The following TNFSF15 variants were observed in gnomAD, a reference collection of about 807,000 sequenced individuals.
The protein encoded by TNFSF15 is tumor necrosis factor ligand superfamily member 15.
In TNFSF15, 15 loss-of-function variants were observed where a neutral mutation model predicts 26.4. The observed-to-expected ratio is 0.57, with a 90% CI of 0.38 to 0.87. The LOEUF (loss-of-function observed/expected upper bound fraction) is 0.87, where lower values mean the gene tolerates loss of function less well. Among genes scored for constraint, TNFSF15 ranks in the 40% least tolerant of loss-of-function variants. The pLI is 0.00. For synonymous variants in TNFSF15, 116 were observed against 115.0 expected, an observed-to-expected ratio of 1.01 and a Z score of -0.06; for missense variants, 290 against 306.1, an observed-to-expected ratio of 0.95 and a Z score of 0.39.
chr9:114,795,428 A>G (rs1829662161), intron 1 of TNFSF15, among the ~76,000 whole-genome samples: 1 of 152,368 alleles, frequency 6.6e-6, no homozygotes, highest in East Asian at 1.9e-4. Flanking sequence ...ATATTTGAAG[A>G]AAATTACAAC....
chr9:114,789,943 C>CT lies in TNFSF15; in HGVS notation c.*508_*509insA, dbSNP rs1156745457. ...TCATGAGACATACCAACTCTCTTTTCATTTTTTTTAGGCAAGGCATGAAAG... is the reference window on the plus strand; with the variant it reads ...TCATGAGACATACCAACTCTCTTTTCTATTTTTTTTAGGCAAGGCATGAAAG... On this transcript the variant is annotated 3_prime_UTR_variant, in exon 4 of 4. Transcript: ENST00000374045. 2 of 153,552 alleles carry CT rather than the reference C, an allele frequency of 1.3e-5. No homozygotes were observed. The highest frequency in any genetic ancestry group is 4.8e-5 in the African/African-American group (2 of 41,448). 9.5% of individuals were successfully genotyped at this position (153,552 alleles called of 1,614,324 possible). A position where few individuals can be genotyped will look rare whatever the true frequency, so the allele number is the denominator to read the frequency against.
rs1829498544 is a variant in TNFSF15, at chr9:114,786,272, G to T, written c.*4180C>A. 1 of 152,222 alleles carries T rather than the reference G, an allele frequency of 6.6e-6. No individual in the cohort carries two copies. The highest frequency in any genetic ancestry group is 1.5e-5 in the Non-Finnish European group (1 of 68,042). 9.4% of individuals were successfully genotyped at this position (152,222 alleles called of 1,614,324 possible). Reference sequence around the variant, plus strand: ...AGCCAGAAATCTTAAGGCAAGAGATGTTTGCATGTGTTTTTAAGGTACAGA... The same window carrying T: ...AGCCAGAAATCTTAAGGCAAGAGATTTTTGCATGTGTTTTTAAGGTACAGA... On this transcript the variant is annotated 3_prime_UTR_variant, in exon 4 of 4. Transcript: ENST00000374045.
rs1376889311 is a variant in TNFSF15 at position 114,786,667 on chromosome 9, C to A, written c.*3785G>T. ...GTGGCTCACGCCTGTAATCCCAGCA[C>A]TTTGGAAGGCTGAGGCGGGCGGATC... On this transcript the variant is annotated 3_prime_UTR_variant, in exon 4 of 4. Coordinates refer to ENST00000374045, the MANE Select transcript of TNFSF15 (RefSeq NM_005118.4). The A allele has an allele frequency of 1.3e-5, 2 of 151,942 alleles. No individual in the cohort carries two copies. The highest frequency in any genetic ancestry group is 2.4e-5 in the African/African-American group (1 of 41,334). The allele number at this position is 151,942 out of a possible 1,614,324, so 9.4% of individuals were successfully genotyped here. A position where few individuals can be genotyped will look rare whatever the true frequency, so the allele number is the denominator to read the frequency against.
chr9:114,790,925 G>A lies in TNFSF15; in HGVS notation c.302-19C>T. ...CTCACAACTGGAAAGACAAGAAAGA[G>A]GATTAATTTTCTCATTGGGAAACTG... On this transcript the variant is annotated intron_variant, in intron 3 of 3. Coordinates refer to ENST00000374045, the MANE Select transcript of TNFSF15 (RefSeq NM_005118.4). 6.2e-7 allele frequency: 1 copy of A among 1,611,306 alleles called. No individual in the cohort carries two copies. The highest frequency in any genetic ancestry group is 1.1e-5 in the South Asian group (1 of 90,842).
At chr9:114,802,389 A>G (rs1476951986) in intron 1 of TNFSF15, among the ~76,000 whole-genome samples, 1 of 152,046 alleles carries the variant, frequency 6.6e-6, no homozygotes, top group Non-Finnish European at 1.5e-5. Flanking sequence ...AGTAGCTGGG[A>G]CTACAGGCGC....
intron 2 of TNFSF15, among the ~76,000 whole-genome samples, chr9:114,792,776 C>A (rs1829623948): frequency 6.6e-6 from 1 of 152,198 alleles, no homozygotes; most frequent in African/African-American, 2.4e-5. Context: ...AGGTGCTTAG[C>A]ATGAATTTTG....
rs1399407742 is a variant in TNFSF15, at chr9:114,793,578, A to G, written c.211-10T>C. ...CCTGTCCTTTTAGAGCCTATTGGGA[A>G]AGAAAGTATAGTTTAGACCAACTGT... On this transcript the variant is annotated splice_polypyrimidine_tract_variant and intron_variant, in intron 1 of 3. Coordinates refer to ENST00000374045, the MANE Select transcript of TNFSF15 (RefSeq NM_005118.4). The G allele has an allele frequency of 6.2e-7, 1 of 1,613,680 alleles. No individual in the cohort carries two copies. The highest frequency in any genetic ancestry group is 8.5e-7 in the Non-Finnish European group (1 of 1,179,630).
intron 1 of TNFSF15, among the ~76,000 whole-genome samples, chr9:114,799,274 A>G (rs941624776): frequency 3.9e-5 from 6 of 152,214 alleles, no homozygotes; most frequent in African/African-American, 1.4e-4. Context: ...ATAAAAGCAG[A>G]CAATAATTCT....
At chr9:114,794,776 CAA>C (rs1190010896) in intron 1 of TNFSF15, among the ~76,000 whole-genome samples, 2 of 152,066 alleles carry the variant, frequency 1.3e-5, no homozygotes, top group African/African-American at 4.8e-5. Context: ...ACCAGACACA[CAA>C]AGACACACTT....
intron 3 of TNFSF15, chr9:114,791,254 A>G (rs1829593294): frequency 2.4e-6 from 1 of 423,080 alleles, no homozygotes; most frequent in Non-Finnish European, 4.4e-6. Context: ...TTGCTGCAAG[A>G]ATTATCCTTT....
rs535241012 is a variant in TNFSF15, at chr9:114,787,947, C to T, written c.*2505G>A. 6.5e-6 allele frequency: 1 copy of T among 153,658 alleles called. No individual in the cohort carries two copies. Among genetic ancestry groups the T allele is most frequent in the Non-Finnish European group, 1.5e-5 (1 of 68,046 alleles). The allele number at this position is 153,658 out of a possible 1,614,324, so 9.5% of individuals were successfully genotyped here. On this transcript the variant is annotated 3_prime_UTR_variant, in exon 4 of 4. Transcript: ENST00000374045. ...ATAAATTTCCAGATCCACCAGATCA[C>T]CTACAGAACAGTGGGCAGGTTTGAG...
chr9:114,789,870 C>G lies in TNFSF15; in HGVS notation c.*582G>C, dbSNP rs1011239291. The stretch of plus-strand genomic sequence containing the variant: ...CATAATCAAAAGAAAGGTAGCTTTT[C>G]TCATATGCTGTAGATGACATGAAAA... On this transcript the variant is annotated 3_prime_UTR_variant, in exon 4 of 4. Transcript: ENST00000374045. The G allele has an allele frequency of 1.3e-5, 2 of 152,440 alleles. No individual in the cohort carries two copies. The highest frequency in any genetic ancestry group is 2.9e-5 in the Non-Finnish European group (2 of 68,166). The allele number at this position is 152,440 out of a possible 1,614,324, so 9.4% of individuals were successfully genotyped here.
intron 1 of TNFSF15, among the ~76,000 whole-genome samples, chr9:114,794,920 G>A (rs1829655599): frequency 6.6e-6 from 1 of 152,116 alleles, no homozygotes; most frequent in African/African-American, 2.4e-5. Flanking sequence ...GTTAGACAAT[G>A]GGTACAAACG....
intron 1 of TNFSF15, among the ~76,000 whole-genome samples, chr9:114,801,780 A>G (rs1829752185): frequency 6.6e-6 from 1 of 152,206 alleles, no homozygotes. Context: ...TTCTGCAGAA[A>G]TCTAAAGGAC....
Position 114,790,521 on chromosome 9 carries a change from G to T in TNFSF15, c.687C>A (p.Asn229Lys), listed in dbSNP as rs754459102. ...SLQEGDKLMVNVSDISLVDYT... is the reference protein window; with the variant it reads ...SLQEGDKLMVKVSDISLVDYT... The stretch of plus-strand genomic sequence containing the variant: ...AATCCACCAAAGAGATGTCACTGAC[G>T]TTCACCATTAGCTTGTCCCCTTCTT... The change falls in exon 4 of 4, where the codon AAC becomes AAA. Residue 229 changes from asparagine to lysine, a missense_variant. This residue lies in a region of TNFSF15 where 102 missense variants were observed against 114.7 expected (regional missense o/e 0.89). Coordinates refer to ENST00000374045, the MANE Select transcript of TNFSF15 (RefSeq NM_005118.4). 2.5e-6 allele frequency: 4 copies of T among 1,613,928 alleles called. No homozygotes were observed. Among genetic ancestry groups the T allele is most frequent in the Non-Finnish European group, 3.4e-6 (4 of 1,180,024 alleles).
intron 1 of TNFSF15, among the ~76,000 whole-genome samples, chr9:114,803,047 C>T (rs1292400808): frequency 6.6e-6 from 1 of 152,144 alleles, no homozygotes; most frequent in African/African-American, 2.4e-5. Context: ...CTGGTTTTTA[C>T]CCATAATGGT....
chr9:114,794,030 A>C (rs540015177), intron 1 of TNFSF15, among the ~76,000 whole-genome samples: 36 of 152,208 alleles, frequency 2.4e-4, no homozygotes, highest in Admixed American at 2.0e-4. Flanking sequence ...GTTTCTGTGC[A>C]ATACATAAAG....
In TNFSF15 at chr9:114,785,599, T is replaced by A. The variant is rs1388533447; in HGVS notation, c.*4853A>T. The stretch of plus-strand genomic sequence containing the variant: ...TTGTGACAAGCCCTTTGTTTGAGTA[T>A]CTCCAGGGACTGAGAAATAGCATCC... On this transcript the variant is annotated 3_prime_UTR_variant, in exon 4 of 4. Coordinates refer to ENST00000374045, the MANE Select transcript of TNFSF15 (RefSeq NM_005118.4). 6.6e-6 allele frequency: 1 copy of A among 152,224 alleles called. No homozygotes were observed. The highest frequency in any genetic ancestry group is 1.5e-5 in the Non-Finnish European group (1 of 68,048). 9.4% of individuals were successfully genotyped at this position (152,224 alleles called of 1,614,324 possible).
chr9:114,801,132 C>T (rs902546584), intron 1 of TNFSF15, among the ~76,000 whole-genome samples: 9 of 152,134 alleles, frequency 5.9e-5, no homozygotes, highest in Admixed American at 2.0e-4. Context: ...CCTGAGGATT[C>T]GTTGTGAGGT....
Sources: allele counts gnomAD v4.1 joint callset (sites outside exome capture counted in the v4.1 genomes callset), GRCh38; gene constraint gnomAD v4.1.1; regional missense constraint gnomAD v4.1.1; transcripts MANE v1.5; gene names NCBI Gene and HGNC (gene_info 2026-07-23, HGNC 2026-07-21).